SEC14L5: variants seen among roughly 807,000 people sequenced by gnomAD.
SEC14L5 encodes SEC14 like lipid binding 5.
A neutral mutation model predicts 84.6 loss-of-function variants in SEC14L5; 96 were observed. That is an observed-to-expected ratio of 1.13 (90% confidence interval 0.96 to 1.34). The LOEUF (loss-of-function observed/expected upper bound fraction) is 1.34. Among genes scored for constraint, SEC14L5 ranks in the 40% most tolerant of loss-of-function variants. The pLI is 0.00. For missense variants in SEC14L5, 1,224 were observed against 942.5 expected (o/e 1.30, Z -3.91); for synonymous variants, 546 against 383.4 (o/e 1.42, Z -4.95).
chr16:4,967,034 A>C (rs903474273), intron 2 of SEC14L5, among the ~76,000 whole-genome samples: 5 of 152,226 alleles, frequency 3.3e-5, no homozygotes, highest in African/African-American at 1.2e-4. Context: ...GCAGAAGAGG[A>C]AATTGAGGCT....
chr16:5,012,267 C>T (rs912051076), intron 15 of SEC14L5, among the ~76,000 whole-genome samples: 1 of 152,148 alleles, frequency 6.6e-6, no homozygotes, highest in Non-Finnish European at 1.5e-5. Flanking sequence ...GGAATAGACA[C>T]AGGCATTGGA....
intron 11 of SEC14L5, among the ~76,000 whole-genome samples, chr16:5,004,817 A>G (rs1955713489): frequency 1.3e-5 from 2 of 152,192 alleles, no homozygotes; most frequent in African/African-American, 4.8e-5. Flanking sequence ...CATGTGGCTT[A>G]GAGCTCAGTG....
intron 8 of SEC14L5, among the ~76,000 whole-genome samples, chr16:4,999,924 C>G (rs1955656523): frequency 6.6e-6 from 1 of 151,848 alleles, no homozygotes; most frequent in East Asian, 1.9e-4. Flanking sequence ...CAAAAACCAA[C>G]AAATCAACCA....
chr16:5,008,253 G>A (rs1463685268), intron 13 of SEC14L5, among the ~76,000 whole-genome samples, 168 bp from the exon 14 acceptor site: 1 of 152,084 alleles, frequency 6.6e-6, no homozygotes, highest in Admixed American at 6.6e-5. Context: ...TGTTGCAGGC[G>A]AGGTCTCAGG....
At position 4,991,952 on chromosome 16, in the gene SEC14L5, C is replaced by G. The variant is rs576061830; in HGVS notation, c.589C>G (p.Pro197Ala). 15 of 1,597,000 alleles carry G rather than the reference C, an allele frequency of 9.4e-6. No individual in the cohort carries two copies. In the African/African-American group the frequency reaches 1.6e-4, roughly 17 times the overall value. Residue 197 changes from proline (P) to alanine (A), a missense_variant, in exon 6 of 16, where the codon CCG becomes GCG. By Grantham distance (27) the Pro-to-Ala change is conservative. Transcript: ENST00000251170. ...REEDARNQAG[P>A]RDPSSLEAHG... The stretch of plus-strand genomic sequence containing the variant: ...GGAGGATGCCCGCAACCAGGCTGGA[C>G]CGAGGGACCCCAGCTCCCTGGAGGC...
In SEC14L5 at chr16:4,977,077, C is replaced by T. The variant is rs144477563; in HGVS notation, c.64-10480C>T. On this transcript the variant is annotated intron_variant, in intron 2 of 15. Transcript: ENST00000251170. ...GGCCTCTCCCAGGGCAGGGTGCCTG[C>T]GGCCCACAGTTTCTCAAGGTCACAG... 2.8e-3 allele frequency among the ~76,000 whole-genome samples: 420 copies of T among 152,252 alleles called. 3 individuals are homozygous for T. The highest frequency in any genetic ancestry group is 0.01 in the Middle Eastern group (3 of 294).
At chr16:5,005,436 T>G (rs570564311) in intron 11 of SEC14L5, among the ~76,000 whole-genome samples, 5 of 151,424 alleles carry the variant, frequency 3.3e-5, no homozygotes, top group African/African-American at 1.2e-4. Context: ...GGGAATGGGG[T>G]TTCCTTCTGG....
intron 7 of SEC14L5, 50 bp from the exon 8 acceptor site, chr16:4,996,805 C>A: frequency 7.0e-7 from 1 of 1,421,314 alleles, no homozygotes; most frequent in South Asian, 1.3e-5. Flanking sequence ...ATTTTATCTG[C>A]TGGGTCAGGG....
intron 10 of SEC14L5, among the ~76,000 whole-genome samples, chr16:5,002,011 C>T (rs1407115198): frequency 1.3e-5 from 2 of 152,302 alleles, no homozygotes; most frequent in Non-Finnish European, 2.9e-5. Flanking sequence ...CTGAAGTGAT[C>T]CTCCCACCTT....
At chr16:4,982,894 C>G (rs556730344) in intron 2 of SEC14L5, among the ~76,000 whole-genome samples, 1 of 152,046 alleles carries the variant, frequency 6.6e-6, no homozygotes. Context: ...TCTAATGGCT[C>G]ACAGGAAGCA....
In SEC14L5 at chr16:5,007,382, A is replaced by C. The variant is rs906494286; in HGVS notation, c.1468A>C (p.Lys490Gln). Reference protein sequence around the residue: ...CNVPEGGLVPKSLYMTEEEQE... With the variant: ...CNVPEGGLVPQSLYMTEEEQE... The stretch of plus-strand genomic sequence containing the variant: ...TGTCCCCGAAGGAGGGCTGGTCCCC[A>C]AGTCCCTCTACATGACAGAAGAGGA... Residue 490 changes from lysine (K) to glutamine (Q), a missense_variant, in exon 13 of 16, where the codon AAG becomes CAG. By Grantham distance (53) the Lys-to-Gln change is moderately conservative (BLOSUM62 1). Coordinates refer to ENST00000251170, the MANE Select transcript of SEC14L5 (RefSeq NM_014692.2). The C allele has an allele frequency of 3.1e-6, 5 of 1,613,708 alleles. No individual in the cohort carries two copies. The African/African-American group carries it at 5.3e-5, about 17-fold the overall frequency.
At chr16:4,990,546 C>G (rs537725989) in intron 4 of SEC14L5, among the ~76,000 whole-genome samples, 1 of 152,344 alleles carries the variant, frequency 6.6e-6, no homozygotes, top group East Asian at 1.9e-4. Context: ...CCCACATTCT[C>G]CCGGCTTCTC....
At chr16:4,997,319 C>G (rs1335871388) in intron 8 of SEC14L5, among the ~76,000 whole-genome samples, 3 of 152,188 alleles carry the variant, frequency 2.0e-5, no homozygotes, top group Middle Eastern at 3.2e-3. Context: ...AGGCTGGTCC[C>G]AAATTCCTAA....
At chr16:5,001,420 G>C (rs527437044) in intron 10 of SEC14L5, among the ~76,000 whole-genome samples, 2 of 152,074 alleles carry the variant, frequency 1.3e-5, no homozygotes, top group East Asian at 3.9e-4. Flanking sequence ...CACCACGCCT[G>C]ACTAATTTTT....
At chr16:4,964,602 C>A (rs1955173420) in intron 2 of SEC14L5, among the ~76,000 whole-genome samples, 1 of 151,926 alleles carries the variant, frequency 6.6e-6, no homozygotes, top group Admixed American at 6.6e-5. Context: ...AAGAACCAGA[C>A]CCACAGGCTC....
Position 5,016,776 on chromosome 16 carries a change from G to C in SEC14L5, c.*1806G>C, listed in dbSNP as rs939272538. ...ACCCCAAACCCAAGGAAGAGAGAAA[G>C]TGTCATCTTTTCAGATACATCCTTC... On this transcript the variant is annotated 3_prime_UTR_variant, in exon 16 of 16. Coordinates refer to ENST00000251170, the MANE Select transcript of SEC14L5 (RefSeq NM_014692.2). 6.6e-6 allele frequency: 1 copy of C among 152,222 alleles called. No individual in the cohort carries two copies. The highest frequency in any genetic ancestry group is 1.5e-5 in the Non-Finnish European group (1 of 68,042). The allele number at this position is 152,222 out of a possible 1,614,324, so 9.4% of individuals were successfully genotyped here.
intron 2 of SEC14L5, among the ~76,000 whole-genome samples, chr16:4,975,003 C>G (rs539769596): frequency 5.5e-4 from 83 of 152,084 alleles, no homozygotes; most frequent in Non-Finnish European, 9.7e-4. Flanking sequence ...GTCTCAAACT[C>G]CTGACCTCAA....
At chr16:4,997,668 C>G (rs1239256827) in intron 8 of SEC14L5, among the ~76,000 whole-genome samples, 1 of 152,164 alleles carries the variant, frequency 6.6e-6, no homozygotes, top group Non-Finnish European at 1.5e-5. Context: ...ATCTTGGTGG[C>G]TTAAAACAGT....
chr16:4,960,576 C>T (rs1378813547), intron 2 of SEC14L5: 4 of 152,202 alleles, frequency 2.6e-5, no homozygotes, highest in African/African-American at 9.7e-5. Flanking sequence ...TGTGCTGTTA[C>T]AGGCAGATGG....
Sources: gnomAD v4.1 joint callset for allele counts (sites outside exome capture counted in the v4.1 genomes callset) on GRCh38, gnomAD v4.1.1 for gene constraint, MANE v1.5 for transcripts, NCBI Gene and HGNC (gene_info 2026-07-23, HGNC 2026-07-21) for gene names.